Variants in SH3KBP1 observed in about 807,000 individuals in gnomAD.
The protein encoded by SH3KBP1 is SH3 domain containing kinase binding protein 1.
SH3KBP1 carries 8 observed loss-of-function variants against 50.1 expected under a neutral mutation model. The observed-to-expected ratio is 0.16, with a 90% CI of 0.09 to 0.29. The LOEUF (loss-of-function observed/expected upper bound fraction) is 0.29, where lower values mean the gene tolerates loss of function less well. SH3KBP1 is among the 10% of genes least tolerant of loss of function. The pLI is 1.00. For missense variants in SH3KBP1, 377 were observed against 535.2 expected (o/e 0.70, Z 2.92); for synonymous variants, 227 against 218.6 (o/e 1.04, Z -0.34).
chrX:19,809,408 C>A (rs2067143481), intron 2 of SH3KBP1, among the ~76,000 whole-genome samples: 1 of 110,362 alleles, frequency 9.1e-6, no homozygotes, highest in African/African-American at 3.3e-5. Flanking sequence ...CCTGTAATCC[C>A]AGCTACTCGG....
chrX:19,645,328 T>C (rs781117689), intron 7 of SH3KBP1, 72 bp downstream of exon 7: 6 of 852,079 alleles, frequency 7.0e-6, no homozygotes, highest in Non-Finnish European at 1.0e-5. Flanking sequence ...TAGGGATTTC[T>C]AAAAAACATT....
At chrX:19,871,699 T>C (rs183395219) in intron 1 of SH3KBP1, among the ~76,000 whole-genome samples, 19 of 112,084 alleles carry the variant, frequency 1.7e-4, no homozygotes, top group Admixed American at 2.8e-4. Context: ...TCATCCAGCC[T>C]GGCTCCTGGG....
intron 9 of SH3KBP1, among the ~76,000 whole-genome samples, chrX:19,600,555 G>C (rs2067056897): frequency 8.9e-6 from 1 of 111,746 alleles, no homozygotes; most frequent in African/African-American, 3.3e-5. Context: ...AGATCATTTA[G>C]TTGATTTCCC....
chrX:19,848,806 C>T (rs1316421946), intron 1 of SH3KBP1, among the ~76,000 whole-genome samples: 1 of 111,591 alleles, frequency 9.0e-6, no homozygotes, highest in Non-Finnish European at 1.9e-5. Context: ...CAGGGTCTCA[C>T]TCTGTCACCT....
intron 2 of SH3KBP1, among the ~76,000 whole-genome samples, chrX:19,751,140 G>C (rs1393539848): frequency 5.3e-5 from 6 of 112,264 alleles, no homozygotes; most frequent in Non-Finnish European, 1.1e-4. Context: ...AGACTATTGA[G>C]GCCCAAATCT....
At chrX:19,624,527 T>C (rs1213799916) in intron 8 of SH3KBP1, among the ~76,000 whole-genome samples, 1 of 111,785 alleles carries the variant, frequency 8.9e-6, no homozygotes, top group East Asian at 2.8e-4. Flanking sequence ...ATCAAAATGT[T>C]GGGGTGGCCT....
At chrX:19,778,008 G>A (rs762148761) in intron 2 of SH3KBP1, among the ~76,000 whole-genome samples, 55 of 111,352 alleles carry the variant, frequency 4.9e-4, no homozygotes, top group Admixed American at 8.6e-4. Flanking sequence ...ATCCCACCCC[G>A]TGTGGGGGCA....
intron 14 of SH3KBP1, among the ~76,000 whole-genome samples, chrX:19,546,986 T>C (rs2065102455): frequency 9.1e-6 from 1 of 110,160 alleles, no homozygotes; most frequent in African/African-American, 3.3e-5. Context: ...ACTCTATCTC[T>C]ACGAAAAATA....
At chrX:19,650,798 C>G (rs187537479) in intron 6 of SH3KBP1, among the ~76,000 whole-genome samples, 1 of 111,530 alleles carries the variant, frequency 9.0e-6, no homozygotes, top group Non-Finnish European at 1.9e-5. Flanking sequence ...TGGTGAACAT[C>G]AAAGCAAACA....
intron 5 of SH3KBP1, 35 bp downstream of exon 5, chrX:19,695,577 G>C (rs778506433): frequency 5.8e-6 from 7 of 1,199,985 alleles, no homozygotes; most frequent in African/African-American, 1.8e-5. Context: ...CCGGTCCCCC[G>C]CCCCTCTCCT....
chrX:19,614,463 G>A (rs2067541146), intron 8 of SH3KBP1, among the ~76,000 whole-genome samples: 1 of 112,136 alleles, frequency 8.9e-6, no homozygotes, highest in Non-Finnish European at 1.9e-5. Context: ...ACAAAGCCAT[G>A]TACTAGATGA....
At chrX:19,690,472 T>G (rs970426369) in intron 5 of SH3KBP1, among the ~76,000 whole-genome samples, 1 of 112,123 alleles carries the variant, frequency 8.9e-6, no homozygotes, top group Non-Finnish European at 1.9e-5. Context: ...CTCATGGTTA[T>G]TAATGGTTAC....
At chrX:19,805,291 T>C (rs747104853) in intron 2 of SH3KBP1, among the ~76,000 whole-genome samples, 7 of 111,218 alleles carry the variant, frequency 6.3e-5, no homozygotes, top group East Asian at 2.8e-4. Flanking sequence ...CAGCTCTAGA[T>C]AGTCAAAGCA....
intron 6 of SH3KBP1, among the ~76,000 whole-genome samples, chrX:19,669,175 A>C (rs1336078589): frequency 2.0e-5 from 2 of 102,077 alleles, no homozygotes; most frequent in Non-Finnish European, 4.0e-5. Flanking sequence ...CATGTTGCCG[A>C]GGCTAGTCTC....
chrX:19,756,950 G>A (rs764575515), intron 2 of SH3KBP1, among the ~76,000 whole-genome samples: 34 of 109,082 alleles, frequency 3.1e-4, no homozygotes, highest in Non-Finnish European at 5.5e-4. Flanking sequence ...TAATACAGAA[G>A]CCACACACAA....
chrX:19,805,275 C>T (rs181106232), intron 2 of SH3KBP1, among the ~76,000 whole-genome samples: 2 of 110,940 alleles, frequency 1.8e-5, no homozygotes, highest in South Asian at 3.8e-4. Flanking sequence ...AGCTGCCAGT[C>T]GAAATCAGCT....
At chrX:19,654,176 A>T (rs1253261709) in intron 6 of SH3KBP1, among the ~76,000 whole-genome samples, 1 of 111,517 alleles carries the variant, frequency 9.0e-6, no homozygotes, top group Non-Finnish European at 1.9e-5. Flanking sequence ...ATCATTTATC[A>T]TGTAGTTTAA....
In SH3KBP1 at chrX:19,545,292, G is replaced by C. The variant is rs145197746; in HGVS notation, c.1623+630C>G. 4.0e-3 allele frequency among the ~76,000 whole-genome samples: 449 copies of C among 112,227 alleles called. 2 individuals carry two copies. Among genetic ancestry groups the C allele is most frequent in the African/African-American group, 0.014 (429 of 30,949 alleles). On this transcript the variant is annotated intron_variant, in intron 15 of 17. Transcript: ENST00000397821. ...TAAAATCTTGGTTCGTATTCACAGG[G>C]AGAGAATTTGTACAAGATGCTCCTC...
intron 13 of SH3KBP1, among the ~76,000 whole-genome samples, chrX:19,559,492 A>G (rs1206100740): frequency 1.9e-5 from 2 of 105,383 alleles, no homozygotes; most frequent in African/African-American, 3.5e-5. Context: ...ACACCCACCT[A>G]AAAGTTTTTT....
Sources: allele counts gnomAD v4.1 joint callset (sites outside exome capture counted in the v4.1 genomes callset), GRCh38; gene constraint gnomAD v4.1.1; transcripts MANE v1.5; gene names NCBI Gene and HGNC (gene_info 2026-07-23, HGNC 2026-07-21).